ZNF722: variants seen among roughly 807,000 people sequenced by gnomAD.
ZNF722 encodes zinc finger protein 479 pseudogene.
chr7:64,004,479 T>C, the ZNF722 span, among the ~76,000 whole-genome samples: 1 of 144,726 alleles, frequency 6.9e-6, no homozygotes, highest in Non-Finnish European at 1.5e-5. Flanking sequence ...GATTACCATT[T>C]ACTTTTCTGA....
At chr7:64,001,930 C>T in the ZNF722 span, among the ~76,000 whole-genome samples, 3 of 152,084 alleles carry the variant, frequency 2.0e-5, no homozygotes, top group African/African-American at 4.8e-5. Context: ...ATTGCCCAGG[C>T]TGGAGTGCAA....
At chr7:64,017,513 A>ACTGGCATTACAGATGTTATTGTATG in the ZNF722 span, among the ~76,000 whole-genome samples, 1 of 152,248 alleles carries the variant, frequency 6.6e-6, no homozygotes, top group Non-Finnish European at 1.5e-5. Context: ...TTATACCTTT[A>ACTGGCATTACAGATGTTATTGTATG]CTGGCATTAC....
At chr7:64,015,928 A>C in the ZNF722 span, 1 of 1,439,948 alleles carries the variant, frequency 6.9e-7, no homozygotes, top group Non-Finnish European at 9.6e-7. Flanking sequence ...TAATGTGGCA[A>C]ATTCTAGCCC....
At chr7:64,001,793 TA>T in the ZNF722 span, among the ~76,000 whole-genome samples, 1 of 152,160 alleles carries the variant, frequency 6.6e-6, no homozygotes. Flanking sequence ...TAATTGTTTT[TA>T]TTTGAATTAT....
the ZNF722 span, among the ~76,000 whole-genome samples, chr7:64,000,324 T>A: frequency 2.0e-5 from 3 of 150,790 alleles, no homozygotes; most frequent in Admixed American, 1.3e-4. Context: ...AGACGGAGTT[T>A]CTCCATGTTG....
chr7:64,004,453 TATAA>T, the ZNF722 span, among the ~76,000 whole-genome samples: 1 of 136,052 alleles, frequency 7.4e-6, no homozygotes, highest in Non-Finnish European at 1.6e-5. Flanking sequence ...TATATATATA[TATAA>T]AATTAAATTT....
the ZNF722 span, among the ~76,000 whole-genome samples, chr7:64,004,419 AAAAAAAAT>A: frequency 2.4e-4 from 17 of 71,830 alleles, no homozygotes; most frequent in African/African-American, 8.7e-4. Flanking sequence ...TTAAAAAAAA[AAAAAAAAT>A]ATATATATAT....
chr7:64,002,351 C>T, the ZNF722 span, among the ~76,000 whole-genome samples: 3 of 152,220 alleles, frequency 2.0e-5, no homozygotes, highest in African/African-American at 7.2e-5. Flanking sequence ...TAGTGACATA[C>T]ATTTTATTCT....
At chr7:64,017,284 T>C in the ZNF722 span, among the ~76,000 whole-genome samples, 1 of 152,116 alleles carries the variant, frequency 6.6e-6, no homozygotes, top group South Asian at 2.1e-4. Context: ...CTTGGGAGGC[T>C]GAGGCAGGCG....
At chr7:64,005,271 G>C in the ZNF722 span, among the ~76,000 whole-genome samples, 1 of 151,974 alleles carries the variant, frequency 6.6e-6, no homozygotes, top group Non-Finnish European at 1.5e-5. Context: ...TCCCATTCCA[G>C]CTTGGGCAAC....
the ZNF722 span, among the ~76,000 whole-genome samples, chr7:64,009,199 A>G: frequency 1.1e-3 from 164 of 152,260 alleles, no homozygotes; most frequent in African/African-American, 3.8e-3. Flanking sequence ...GCCAGGGACA[A>G]TTTGACTTCT....
At chr7:63,999,722 G>A in the ZNF722 span, among the ~76,000 whole-genome samples, 1 of 152,070 alleles carries the variant, frequency 6.6e-6, no homozygotes, top group East Asian at 1.9e-4. Context: ...TTTTGAGAGG[G>A]AGTCTCGCTC....
the ZNF722 span, among the ~76,000 whole-genome samples, chr7:64,010,736 G>C: frequency 5.9e-5 from 9 of 152,314 alleles, no homozygotes; most frequent in South Asian, 1.4e-3. Flanking sequence ...TTTGTGTGGA[G>C]AGTTCTGTAG....
chr7:64,004,425 A>ATATATATATATATATAT, the ZNF722 span, among the ~76,000 whole-genome samples: 4 of 61,106 alleles, frequency 6.5e-5, no homozygotes, highest in African/African-American at 3.2e-4. Context: ...AAAAAAAAAA[A>ATATATATATATATATAT]ATATATATAT....
chr7:64,004,426 A>AAAAAAAAAATATATATATATG, the ZNF722 span, among the ~76,000 whole-genome samples: 5 of 47,662 alleles, frequency 1.0e-4, no homozygotes, highest in Non-Finnish European at 1.9e-4. Context: ...AAAAAAAAAA[A>AAAAAAAAAATATATATATATG]TATATATATA....
the ZNF722 span, among the ~76,000 whole-genome samples, chr7:64,004,211 G>GC: frequency 6.7e-6 from 1 of 150,322 alleles, no homozygotes; most frequent in Non-Finnish European, 1.5e-5. Context: ...GGCCAGACTG[G>GC]CCAACATGGT....
chr7:64,006,891 G>C, the ZNF722 span, among the ~76,000 whole-genome samples: 1 of 151,604 alleles, frequency 6.6e-6, no homozygotes, highest in African/African-American at 2.4e-5. Context: ...GGATATGCAA[G>C]CAGGATATTT....
chr7:64,013,583 AT>A, the ZNF722 span, among the ~76,000 whole-genome samples: 2 of 152,046 alleles, frequency 1.3e-5, no homozygotes, highest in African/African-American at 4.8e-5. Flanking sequence ...TATACTTCTT[AT>A]TGATATTGCT....
At chr7:64,010,384 G>A in the ZNF722 span, among the ~76,000 whole-genome samples, 2 of 152,030 alleles carry the variant, frequency 1.3e-5, no homozygotes, top group Non-Finnish European at 2.9e-5. Context: ...GCATTTAGTA[G>A]TATAAATTTC....
Sources: gnomAD v4.1 joint callset for allele counts (sites outside exome capture counted in the v4.1 genomes callset) on GRCh38, gnomAD v4.1.1 for gene constraint, MANE v1.5 for transcripts, NCBI Gene and HGNC (gene_info 2026-07-23, HGNC 2026-07-21) for gene names.